The following MYT1L variants were observed in gnomAD, a reference collection of about 807,000 sequenced individuals.
The protein encoded by MYT1L is myelin transcription factor 1-like protein.
MYT1L carries 12 observed loss-of-function variants against 126.7 expected under a neutral mutation model. The observed-to-expected ratio is 0.09, with a 90% CI of 0.06 to 0.15. The LOEUF is 0.15. Among genes scored for constraint, MYT1L ranks in the 10% least tolerant of loss-of-function variants. The pLI, the probability that MYT1L is intolerant of heterozygous loss-of-function variation, is 1.00. For missense variants in MYT1L, 979 were observed against 1,585.2 expected, an observed-to-expected ratio of 0.62 and a Z score of 6.49; for synonymous variants, 541 against 604.2, an observed-to-expected ratio of 0.90 and a Z score of 1.53.
intron 5 of MYT1L, among the ~76,000 whole-genome samples, chr2:1,985,111 C>T (rs1351330281): frequency 3.3e-5 from 5 of 152,198 alleles, no homozygotes; most frequent in Non-Finnish European, 7.3e-5. Context: ...GAGCTCCAGG[C>T]CTCCCTCCCT....
chr2:1,957,730 A>G (rs1329572702), intron 8 of MYT1L, among the ~76,000 whole-genome samples: 1 of 152,154 alleles, frequency 6.6e-6, no homozygotes, highest in African/African-American at 2.4e-5. Context: ...CCTCCTTGGC[A>G]CCAGCTTCTG....
intron 3 of MYT1L, among the ~76,000 whole-genome samples, chr2:2,153,276 A>G (rs191605083): frequency 7.2e-5 from 11 of 152,346 alleles, no homozygotes; most frequent in Admixed American, 3.9e-4. Flanking sequence ...AAACAAACAA[A>G]AACAAAGAAT....
At chr2:1,851,524 T>G (rs973594483) in intron 19 of MYT1L, 117 bp downstream of exon 19, 1 of 918,854 alleles carries the variant, frequency 1.1e-6, no homozygotes, top group Non-Finnish European at 1.8e-6. Context: ...AGTCTCTAGA[T>G]CCTTAATTTT....
intron 4 of MYT1L, among the ~76,000 whole-genome samples, chr2:2,023,060 G>A (rs1273946599): frequency 6.6e-5 from 10 of 152,188 alleles, no homozygotes. Context: ...TGACAAAGGT[G>A]TGCTGCCCAC....
chr2:2,161,440 C>T lies in MYT1L; in HGVS notation c.-304+11432G>A, dbSNP rs376112342. Among the ~76,000 whole-genome samples, 12 of 152,304 alleles carry T rather than the reference C, an allele frequency of 7.9e-5. No individual in the cohort carries two copies. The South Asian group carries it at 2.3e-3, about 29-fold the overall frequency. ...TGCTTCAGAGTGACCCGTGCCTGCA[C>T]GAGGAAGAATGGTCGGGTATCAATG... On this transcript the variant is annotated intron_variant, in intron 3 of 24. Transcript: ENST00000647738.
chr2:1,949,628 G>T (rs764245927), intron 8 of MYT1L, among the ~76,000 whole-genome samples: 4 of 152,112 alleles, frequency 2.6e-5, no homozygotes, highest in Non-Finnish European at 5.9e-5. Context: ...TGAATGTTTT[G>T]TTTATCCAAT....
intron 13 of MYT1L, among the ~76,000 whole-genome samples, chr2:1,909,108 TA>T (rs1371634071): frequency 6.6e-6 from 1 of 152,204 alleles, no homozygotes; most frequent in Non-Finnish European, 1.5e-5. Context: ...AGATTTATCC[TA>T]AATAAATAAT....
At chr2:2,324,971 G>C (rs1246218420) in intron 1 of MYT1L, 1 of 152,268 alleles carries the variant, frequency 6.6e-6, no homozygotes, top group African/African-American at 2.4e-5. Flanking sequence ...TGCTTGCCTT[G>C]TACCCACAGG....
At chr2:2,122,074 G>T (rs190767054) in intron 3 of MYT1L, among the ~76,000 whole-genome samples, 1 of 152,332 alleles carries the variant, frequency 6.6e-6, no homozygotes, top group East Asian at 1.9e-4. Context: ...ATCTGGCGAT[G>T]ATGTGCACGT....
At chr2:1,914,492 T>C (rs1292078465) in intron 11 of MYT1L, among the ~76,000 whole-genome samples, 1 of 152,012 alleles carries the variant, frequency 6.6e-6, no homozygotes, top group African/African-American at 2.4e-5. Flanking sequence ...AATTCCACCA[T>C]CAGTTTCCAC....
chr2:2,151,780 G>T (rs2085834978), intron 3 of MYT1L, among the ~76,000 whole-genome samples: 2 of 152,202 alleles, frequency 1.3e-5, no homozygotes, highest in African/African-American at 2.4e-5. Context: ...TATAGGCCGG[G>T]GGCAGTGGCT....
At chr2:2,133,831 G>T (rs1009275846) in intron 3 of MYT1L, among the ~76,000 whole-genome samples, 20 of 152,178 alleles carry the variant, frequency 1.3e-4, no homozygotes, top group African/African-American at 4.8e-4. Context: ...CACTATGCCC[G>T]GGTGCTTAGG....
At chr2:2,058,837 G>A (rs1441671166) in intron 3 of MYT1L, among the ~76,000 whole-genome samples, 11 of 152,278 alleles carry the variant, frequency 7.2e-5, no homozygotes, top group Middle Eastern at 3.4e-3. Flanking sequence ...AGGGATGTGA[G>A]GCTCCTTCTC....
chr2:1,901,949 T>C (rs902093646), intron 14 of MYT1L, among the ~76,000 whole-genome samples: 3 of 152,188 alleles, frequency 2.0e-5, no homozygotes, highest in African/African-American at 7.2e-5. Flanking sequence ...CATGAACCAC[T>C]GCAGCCAGCC....
At chr2:1,944,838 G>A (rs1461160811) in intron 8 of MYT1L, among the ~76,000 whole-genome samples, 3 of 152,130 alleles carry the variant, frequency 2.0e-5, no homozygotes, top group Non-Finnish European at 4.4e-5. Flanking sequence ...AGGCATTTGC[G>A]GAATGAAAGG....
intron 8 of MYT1L, among the ~76,000 whole-genome samples, chr2:1,971,348 T>A (rs1276879539): frequency 6.6e-6 from 1 of 152,172 alleles, no homozygotes; most frequent in Non-Finnish European, 1.5e-5. Context: ...CCAGGCAAAC[T>A]ACTTTCTTTA....
At chr2:1,813,883 C>T (rs1287459916) in intron 21 of MYT1L, among the ~76,000 whole-genome samples, 1 of 107,198 alleles carries the variant, frequency 9.3e-6, no homozygotes, top group East Asian at 2.7e-4. Flanking sequence ...AAAAATTAGC[C>T]GGGCGTGGTA....
intron 1 of MYT1L, among the ~76,000 whole-genome samples, chr2:2,295,601 G>C (rs200810907): frequency 9.7e-4 from 6 of 6,214 alleles, no homozygotes; most frequent in African/African-American, 1.6e-3. Context: ...GACAGAGAGA[G>C]AGACAGACAG....
At chr2:2,215,898 T>C (rs1354503985) in intron 2 of MYT1L, among the ~76,000 whole-genome samples, 1 of 152,178 alleles carries the variant, frequency 6.6e-6, no homozygotes, top group East Asian at 1.9e-4. Context: ...TGGAAGGTGT[T>C]CGGGTCATAG....
Sources: gnomAD v4.1 joint callset for allele counts (sites outside exome capture counted in the v4.1 genomes callset) on GRCh38, gnomAD v4.1.1 for gene constraint, MANE v1.5 for transcripts, NCBI Gene and HGNC (gene_info 2026-07-23, HGNC 2026-07-21) for gene names.